NCAM2: variants seen among roughly 807,000 people sequenced by gnomAD.
NCAM2 encodes neural cell adhesion molecule 2, also known as N-CAM-2.
NCAM2 carries 30 observed loss-of-function variants against 98.1 expected under a neutral mutation model. The observed-to-expected ratio is 0.31, with a 90% CI of 0.23 to 0.41. The LOEUF (loss-of-function observed/expected upper bound fraction) is 0.41, where lower values mean the gene tolerates loss of function less well. NCAM2 is among the 10% of genes least tolerant of loss of function. The pLI is 1.00. For missense variants in NCAM2, 867 were observed against 1,005.8 expected, an observed-to-expected ratio of 0.86 and a Z score of 1.87; for synonymous variants, 368 against 342.4, an observed-to-expected ratio of 1.07 and a Z score of -0.83.
At chr21:21,264,902 ATATATACAC>A (rs2072083447) in intron 1 of NCAM2, among the ~76,000 whole-genome samples, 2 of 36,110 alleles carry the variant, frequency 5.5e-5, no homozygotes, top group Admixed American at 6.5e-4. Flanking sequence ...GTGTGTGTAT[ATATATACAC>A]ATATATTAGA....
rs573040906 is a variant in NCAM2 at position 21,480,459 on chromosome 21, C to G, written c.2077+2988C>G. Reference sequence around the variant, plus strand: ...AAGGAAACATGCAGGAATGAACTTTCCAGGGAAAATGTGTGACGTGGAAGG... The same window carrying G: ...AAGGAAACATGCAGGAATGAACTTTGCAGGGAAAATGTGTGACGTGGAAGG... On this transcript the variant is annotated intron_variant, in intron 15 of 17. Coordinates refer to ENST00000400546, the MANE Select transcript of NCAM2 (RefSeq NM_004540.5). Among the ~76,000 whole-genome samples, 239 of 151,210 alleles carry G rather than the reference C, an allele frequency of 1.6e-3. 1 individual carries two copies. The highest frequency in any genetic ancestry group is 3.5e-3 in the Middle Eastern group (1 of 286).
intron 1 of NCAM2, among the ~76,000 whole-genome samples, chr21:21,061,848 A>G (rs573072717): frequency 7.9e-5 from 12 of 152,192 alleles, no homozygotes; most frequent in Non-Finnish European, 1.8e-4. Context: ...GTATTCACTT[A>G]CAGTGTTGTG....
chr21:21,320,165 A>G (rs531011906), intron 5 of NCAM2, among the ~76,000 whole-genome samples: 1 of 152,300 alleles, frequency 6.6e-6, no homozygotes, highest in South Asian at 2.1e-4. Flanking sequence ...AAAATGCCCA[A>G]AATTTGCTAT....
chr21:21,374,948 C>T (rs2075998690), intron 9 of NCAM2, among the ~76,000 whole-genome samples: 1 of 151,504 alleles, frequency 6.6e-6, no homozygotes, highest in Non-Finnish European at 1.5e-5. Flanking sequence ...ATTTTATAGA[C>T]TGTGCTTGTC....
intron 12 of NCAM2, among the ~76,000 whole-genome samples, chr21:21,446,819 A>C (rs67540850): frequency 0.21 from 31,802 of 152,008 alleles, 3,544 homozygotes; most frequent in African/African-American, 0.28. Flanking sequence ...AAAGAGAATA[A>C]AATGCCTAGG....
intron 1 of NCAM2, among the ~76,000 whole-genome samples, chr21:21,139,260 G>A (rs183264122): frequency 2.6e-5 from 4 of 152,224 alleles, no homozygotes; most frequent in African/African-American, 9.6e-5. Context: ...GAAGCTGTAA[G>A]AGGCAAAGAA....
At chr21:21,431,198 GT>G (rs2077335914) in intron 11 of NCAM2, among the ~76,000 whole-genome samples, 1 of 146,998 alleles carries the variant, frequency 6.8e-6, no homozygotes, top group East Asian at 2.1e-4. Context: ...TTTATCCAAA[GT>G]TTAAGATTAT....
At chr21:21,212,212 A>C (rs1371723639) in intron 1 of NCAM2, among the ~76,000 whole-genome samples, 2 of 152,212 alleles carry the variant, frequency 1.3e-5, no homozygotes, top group Non-Finnish European at 2.9e-5. Flanking sequence ...ATATCACCGA[A>C]TATTAGTAAT....
chr21:21,399,571 A>G (rs2076584975), intron 9 of NCAM2, among the ~76,000 whole-genome samples: 2 of 152,194 alleles, frequency 1.3e-5, no homozygotes, highest in African/African-American at 4.8e-5. Context: ...TGATTTTTAA[A>G]AACTTATTTT....
At chr21:21,125,619 T>C (rs1338933113) in intron 1 of NCAM2, among the ~76,000 whole-genome samples, 2 of 134,136 alleles carry the variant, frequency 1.5e-5, no homozygotes, top group Non-Finnish European at 3.1e-5. Context: ...ATATAATATG[T>C]TATATATAAT....
At chr21:21,348,632 A>G (rs185246555) in intron 8 of NCAM2, among the ~76,000 whole-genome samples, 65 of 152,232 alleles carry the variant, frequency 4.3e-4, no homozygotes, top group African/African-American at 1.5e-3. Context: ...GACTCATAAT[A>G]GCCAAAGCAA....
chr21:21,299,593 C>T (rs2073633680), intron 5 of NCAM2, among the ~76,000 whole-genome samples: 1 of 151,398 alleles, frequency 6.6e-6, no homozygotes, highest in Non-Finnish European at 1.5e-5. Flanking sequence ...CTCCTTCCCT[C>T]CTTCCCTCCC....
At chr21:21,157,674 T>C (rs1378156434) in intron 1 of NCAM2, among the ~76,000 whole-genome samples, 1 of 152,042 alleles carries the variant, frequency 6.6e-6, no homozygotes, top group East Asian at 1.9e-4. Context: ...AAAAAAAAAC[T>C]TCGTAAAACA....
chr21:21,178,445 A>C (rs2068365031), intron 1 of NCAM2, among the ~76,000 whole-genome samples: 1 of 152,030 alleles, frequency 6.6e-6, no homozygotes, highest in African/African-American at 2.4e-5. Context: ...ACAATTTTTA[A>C]TTTTTATATA....
At chr21:21,187,224 A>AAAACAAAC (rs894147919) in intron 1 of NCAM2, among the ~76,000 whole-genome samples, 3 of 152,138 alleles carry the variant, frequency 2.0e-5, no homozygotes, top group African/African-American at 7.2e-5. Context: ...ACTCCGTCTA[A>AAAACAAAC]AAACAAACAA....
intron 4 of NCAM2, among the ~76,000 whole-genome samples, 184 bp downstream of exon 4, chr21:21,286,596 T>C (rs2073110276): frequency 6.6e-6 from 1 of 151,920 alleles, no homozygotes; most frequent in Non-Finnish European, 1.5e-5. Context: ...GCAAATTCAC[T>C]GCCCTTTACC....
chr21:21,478,502 T>C (rs547511841), intron 15 of NCAM2, among the ~76,000 whole-genome samples: 1 of 152,150 alleles, frequency 6.6e-6, no homozygotes, highest in Admixed American at 6.5e-5. Flanking sequence ...ATTATGATTT[T>C]GTTATATCAT....
At chr21:21,102,038 T>C (rs1160682737) in intron 1 of NCAM2, among the ~76,000 whole-genome samples, 2 of 151,986 alleles carry the variant, frequency 1.3e-5, no homozygotes, top group African/African-American at 2.4e-5. Context: ...TTGTGCAACA[T>C]TGATGTTGTG....
intron 9 of NCAM2, among the ~76,000 whole-genome samples, chr21:21,401,512 A>C (rs1398263140): frequency 6.6e-6 from 1 of 152,086 alleles, no homozygotes; most frequent in Non-Finnish European, 1.5e-5. Context: ...GTCCTTTTCT[A>C]TGAATTTGAC....
Sources: gnomAD v4.1 joint callset for allele counts (sites outside exome capture counted in the v4.1 genomes callset) on GRCh38, gnomAD v4.1.1 for gene constraint, MANE v1.5 for transcripts, NCBI Gene and HGNC (gene_info 2026-07-23, HGNC 2026-07-21) for gene names.